Variants in FAM120B observed in about 807,000 individuals in gnomAD.
The protein encoded by FAM120B is constitutive coactivator of peroxisome proliferator-activated receptor gamma.
A neutral mutation model predicts 96.3 loss-of-function variants in FAM120B; 83 were observed. That is an observed-to-expected ratio of 0.86 (90% CI 0.72 to 1.03). The LOEUF is 1.03. Among genes scored for constraint, FAM120B ranks in the 50% least tolerant of loss-of-function variants. The pLI is 0.00. For missense variants in FAM120B, 1,027 were observed against 1,121.2 expected (o/e 0.92, Z 1.20); for synonymous variants, 407 against 402.7 (o/e 1.01, Z -0.13).
chr6:170,342,189 T>G (rs1187925561), intron 4 of FAM120B, among the ~76,000 whole-genome samples: 1 of 152,168 alleles, frequency 6.6e-6, no homozygotes, highest in Non-Finnish European at 1.5e-5. Context: ...TTTTTGTTTT[T>G]TTTCCTTTTG....
At chr6:170,346,792 G>A (rs9366213) in intron 4 of FAM120B, among the ~76,000 whole-genome samples, 15,654 of 151,952 alleles carry the variant, frequency 0.1, 1,024 homozygotes, top group East Asian at 0.2. Flanking sequence ...GCAGGAGCTG[G>A]GTTTGTCCCG....
chr6:170,299,767 A>C (rs1164474782), intron 1 of FAM120B, among the ~76,000 whole-genome samples: 1 of 152,250 alleles, frequency 6.6e-6, no homozygotes, highest in East Asian at 1.9e-4. Context: ...TCTCTCTTAT[A>C]ATCAGGAAAG....
rs1790318660 is a variant in FAM120B, at chr6:170,388,485, G to C, written c.2482G>C (p.Glu828Gln). 1 of 1,613,920 alleles carries C rather than the reference G, an allele frequency of 6.2e-7. No individual in the cohort carries two copies. Among genetic ancestry groups the C allele is most frequent in the Non-Finnish European group, 8.5e-7 (1 of 1,179,966 alleles). Residue 828 changes from glutamate to glutamine, a missense_variant, in exon 7 of 11, where the codon GAA becomes CAA. Physicochemically the swap from Glu to Gln is conservative, Grantham distance 29 (BLOSUM62 2). Coordinates refer to ENST00000476287, the MANE Select transcript of FAM120B (RefSeq NM_032448.3). ...GGGTTATGCTGTGGAGGTTCTTTTA[G>C]AACAAAATGTGAGTTCACAGACACC... ...EKGYAVEVLLEQNRSRLTKFH... is the reference protein window; with the variant it reads ...EKGYAVEVLLQQNRSRLTKFH...
At chr6:170,332,109 G>A (rs2115071947) in intron 4 of FAM120B, among the ~76,000 whole-genome samples, 1 of 152,120 alleles carries the variant, frequency 6.6e-6, no homozygotes, top group East Asian at 1.9e-4. Context: ...CCAGACATAG[G>A]ATTTGAACTT....
At chr6:170,291,567 G>T (rs1452038491), upstream of FAM120B, among the ~76,000 whole-genome samples, 1 of 152,244 alleles carries the variant, frequency 6.6e-6, no homozygotes, top group Non-Finnish European at 1.5e-5. Flanking sequence ...TCGTAGGAAA[G>T]GGGCGGGCGG....
In FAM120B at chr6:170,406,097, T is replaced by G. The variant is rs950146394; in HGVS notation, c.*1346T>G. ...AGAATTGAAATTTTAAGCCCCAGAT[T>G]GTACTGAGCTGTACCTGTGGGAAAA... On this transcript the variant is annotated 3_prime_UTR_variant, in exon 11 of 11. Coordinates refer to ENST00000476287, the MANE Select transcript of FAM120B (RefSeq NM_032448.3). 6.6e-6 allele frequency: 1 copy of G among 152,216 alleles called. No individual in the cohort carries two copies. Among genetic ancestry groups the G allele is most frequent in the Non-Finnish European group, 1.5e-5 (1 of 68,040 alleles). The allele number at this position is 152,216 out of a possible 1,614,324, so 9.4% of individuals were successfully genotyped here. A position where few individuals can be genotyped will look rare whatever the true frequency, so the allele number is the denominator to read the frequency against.
chr6:170,293,562 G>T (rs554764253), upstream of FAM120B, among the ~76,000 whole-genome samples: 1 of 152,062 alleles, frequency 6.6e-6, no homozygotes, highest in African/African-American at 2.4e-5. Flanking sequence ...TGCCCAAAGC[G>T]TTCATTCTTT....
At chr6:170,382,231 C>G (rs1306987231) in intron 6 of FAM120B, among the ~76,000 whole-genome samples, 1 of 151,982 alleles carries the variant, frequency 6.6e-6, no homozygotes, top group Non-Finnish European at 1.5e-5. Context: ...GACCAGCCTG[C>G]GCAACATAGT....
chr6:170,326,250 A>G (rs1562529949), intron 3 of FAM120B, among the ~76,000 whole-genome samples: 1 of 152,104 alleles, frequency 6.6e-6, no homozygotes, highest in African/African-American at 2.4e-5. Context: ...CAGTTGTGCC[A>G]TTTTTTACAT....
At chr6:170,305,805 G>C (rs1433970172), upstream of FAM120B, among the ~76,000 whole-genome samples, 1 of 152,180 alleles carries the variant, frequency 6.6e-6, no homozygotes, top group Non-Finnish European at 1.5e-5. Flanking sequence ...GTGGACTTGC[G>C]CATCACCCGG....
chr6:170,291,774 T>C (rs1469330222), upstream of FAM120B, among the ~76,000 whole-genome samples: 2 of 152,012 alleles, frequency 1.3e-5, no homozygotes, highest in South Asian at 2.1e-4. Flanking sequence ...CCGCGGCCAC[T>C]GGGAGTAGGG....
At chr6:170,338,620 T>C (rs1338814014) in intron 4 of FAM120B, among the ~76,000 whole-genome samples, 1 of 152,122 alleles carries the variant, frequency 6.6e-6, no homozygotes, top group African/African-American at 2.4e-5. Context: ...GACAATGGGG[T>C]GTTAAAGTCT....
chr6:170,364,870 A>T (rs1215990956), intron 6 of FAM120B, among the ~76,000 whole-genome samples: 2 of 152,214 alleles, frequency 1.3e-5, no homozygotes, highest in Admixed American at 6.5e-5. Flanking sequence ...ATGAGCTTGT[A>T]GATTGCAGTG....
chr6:170,406,324 C>A lies in FAM120B; in HGVS notation c.*1573C>A, dbSNP rs1197698185. 1 of 152,158 alleles carries A rather than the reference C, an allele frequency of 6.6e-6. No homozygotes were observed. The highest frequency in any genetic ancestry group is 1.5e-5 in the Non-Finnish European group (1 of 68,040). The allele number at this position is 152,158 out of a possible 1,614,324, so 9.4% of individuals were successfully genotyped here. A position where few individuals can be genotyped will look rare whatever the true frequency, so the allele number is the denominator to read the frequency against. On this transcript the variant is annotated 3_prime_UTR_variant, in exon 11 of 11. Transcript: ENST00000476287. ...GCCCCGTGTTCTTAGGAGGTGCTCA[C>A]CCCTGGCACCTAAAGACATTTCCTT...
chr6:170,394,277 C>G (rs1245381554), intron 8 of FAM120B, among the ~76,000 whole-genome samples: 2 of 152,204 alleles, frequency 1.3e-5, no homozygotes, highest in African/African-American at 4.8e-5. Flanking sequence ...GAATGCCAGG[C>G]AAGTCGTGGC....
intron 6 of FAM120B, among the ~76,000 whole-genome samples, chr6:170,360,556 C>T (rs1583263944): frequency 6.6e-6 from 1 of 152,194 alleles, no homozygotes; most frequent in African/African-American, 2.4e-5. Context: ...AGCCATCACA[C>T]AGAGGCCACT....
At chr6:170,290,889 T>A, upstream of FAM120B, 1 of 688,966 alleles carries the variant, frequency 1.5e-6, no homozygotes, top group Non-Finnish European at 2.6e-6. This position sits in a 1 kb window ranked among gnomAD's most constrained non-coding sequence, Gnocchi z 4.7. Flanking sequence ...CGCTCTGCCC[T>A]CGGCCGGGTC....
intron 4 of FAM120B, among the ~76,000 whole-genome samples, chr6:170,343,156 C>T (rs1230196553): frequency 6.6e-6 from 1 of 152,218 alleles, no homozygotes; most frequent in Non-Finnish European, 1.5e-5. Flanking sequence ...AAAACATCCA[C>T]ACCCTCCCCT....
At chr6:170,398,132 G>C (rs1400348798) in intron 9 of FAM120B, among the ~76,000 whole-genome samples, 1 of 152,258 alleles carries the variant, frequency 6.6e-6, no homozygotes, top group Non-Finnish European at 1.5e-5. Context: ...ACTGTAAAGA[G>C]TGTGCCATCA....
Sources: allele counts gnomAD v4.1 joint callset (sites outside exome capture counted in the v4.1 genomes callset), GRCh38; gene constraint gnomAD v4.1.1; non-coding constraint Gnocchi (gnomAD v3.1); transcripts MANE v1.5; gene names NCBI Gene and HGNC (gene_info 2026-07-23, HGNC 2026-07-21).